The following ARHGAP24 variants were observed in gnomAD, a reference collection of about 807,000 sequenced individuals.
ARHGAP24 encodes rho GTPase-activating protein 24.
ARHGAP24 carries 50 observed loss-of-function variants against 76.4 expected under a neutral mutation model. The observed-to-expected ratio is 0.65, with a 90% CI of 0.52 to 0.83. The LOEUF is 0.83. ARHGAP24 is among the 40% of genes least tolerant of loss of function. The probability of loss-of-function intolerance (pLI) is 0.00; values close to 1 mark genes in which losing one functional copy is unlikely to be tolerated. For missense variants in ARHGAP24, 930 were observed against 914.2 expected, an observed-to-expected ratio of 1.02 and a Z score of -0.22; for synonymous variants, 345 against 323.3, an observed-to-expected ratio of 1.07 and a Z score of -0.72.
chr4:85,556,972 A>T (rs1177394350), intron 1 of ARHGAP24, among the ~76,000 whole-genome samples: 1 of 152,204 alleles, frequency 6.6e-6, no homozygotes, highest in Non-Finnish European at 1.5e-5. Context: ...TGTGGAACAC[A>T]GTCTTGTCCC....
intron 1 of ARHGAP24, among the ~76,000 whole-genome samples, chr4:85,569,400 G>T (rs1190830021): frequency 6.6e-6 from 1 of 152,162 alleles, no homozygotes; most frequent in African/African-American, 2.4e-5. Context: ...AGAAGATTTT[G>T]GGACAGGAAA....
intron 8 of ARHGAP24, chr4:85,990,736 ACCTC>A (rs1740272277): frequency 6.6e-6 from 1 of 151,900 alleles, no homozygotes; most frequent in South Asian, 2.1e-4. Context: ...TAAATAAATT[ACCTC>A]AATCCTTGCC....
At chr4:85,649,028 TG>T (rs1721835849) in intron 2 of ARHGAP24, among the ~76,000 whole-genome samples, 1 of 151,822 alleles carries the variant, frequency 6.6e-6, no homozygotes, top group South Asian at 2.1e-4. Flanking sequence ...TGTGTGTGTG[TG>T]TGTGTGTTTG....
chr4:85,528,384 G>C (rs1017833010), intron 1 of ARHGAP24, among the ~76,000 whole-genome samples: 3 of 152,054 alleles, frequency 2.0e-5, no homozygotes, highest in African/African-American at 7.2e-5. Flanking sequence ...AGGAGCCACT[G>C]GAGTTTTTTA....
chr4:85,892,166 C>A (rs1233025998), intron 3 of ARHGAP24, among the ~76,000 whole-genome samples: 1 of 62,886 alleles, frequency 1.6e-5, no homozygotes, highest in Non-Finnish European at 3.4e-5. Context: ...TTGTAGTATT[C>A]TCTGATGGTA....
intron 8 of ARHGAP24, among the ~76,000 whole-genome samples, chr4:85,985,944 G>T (rs951617505): frequency 6.6e-6 from 1 of 152,136 alleles, no homozygotes; most frequent in South Asian, 2.1e-4. Context: ...GCACCAGTTG[G>T]AAAATGAACC....
intron 2 of ARHGAP24, among the ~76,000 whole-genome samples, chr4:85,664,834 T>C (rs1722547639): frequency 6.6e-6 from 1 of 152,220 alleles, no homozygotes; most frequent in Non-Finnish European, 1.5e-5. Context: ...TGAGTGAGTT[T>C]CTTAATCCTG....
chr4:85,836,664 G>A (rs925728983), intron 3 of ARHGAP24, among the ~76,000 whole-genome samples: 4 of 152,166 alleles, frequency 2.6e-5, no homozygotes, highest in Non-Finnish European at 5.9e-5. Flanking sequence ...TATCTTTCCT[G>A]AGGAACATAA....
intron 3 of ARHGAP24, among the ~76,000 whole-genome samples, chr4:85,724,376 G>A (rs932105894): frequency 2.0e-5 from 3 of 151,906 alleles, no homozygotes; most frequent in Non-Finnish European, 2.9e-5. Flanking sequence ...AAAGCCTCTA[G>A]CAAGCTCTTT....
chr4:85,553,104 G>A (rs1036088093), intron 1 of ARHGAP24, among the ~76,000 whole-genome samples: 18 of 152,078 alleles, frequency 1.2e-4, no homozygotes, highest in Non-Finnish European at 2.1e-4. Context: ...GTTCATAAAG[G>A]CAGTGCATCC....
chr4:85,683,109 T>TGGGGGGGGGG (rs1205882687), intron 2 of ARHGAP24, among the ~76,000 whole-genome samples: 1 of 17,478 alleles, frequency 5.7e-5, no homozygotes, highest in Non-Finnish European at 1.3e-4. Context: ...TCTCAGTGTG[T>TGGGGGGGGGG]GGGGGGGTGG....
chr4:85,869,430 G>A (rs1295379587), intron 3 of ARHGAP24, among the ~76,000 whole-genome samples: 1 of 152,016 alleles, frequency 6.6e-6, no homozygotes, highest in Non-Finnish European at 1.5e-5. Flanking sequence ...AATTAGCTCT[G>A]ACTCTTAGGC....
chr4:85,574,478 A>C (rs1727291894), intron 2 of ARHGAP24, among the ~76,000 whole-genome samples: 1 of 152,208 alleles, frequency 6.6e-6, no homozygotes, highest in Non-Finnish European at 1.5e-5. Flanking sequence ...GGGGAAAGGA[A>C]TTCAGAGCAG....
Position 85,640,673 on chromosome 4 carries a change from A to G in ARHGAP24, c.180+69952A>G, listed in dbSNP as rs73833387. On this transcript the variant is annotated intron_variant, in intron 2 of 9. Coordinates refer to ENST00000395184, the MANE Select transcript of ARHGAP24 (RefSeq NM_001025616.3). Reference sequence around the variant, plus strand: ...GTCAGCCTTTGCCCTCAAAGGATTTATAATCTGGTTGTGACCATATCTTCA... The same window carrying G: ...GTCAGCCTTTGCCCTCAAAGGATTTGTAATCTGGTTGTGACCATATCTTCA... Among the ~76,000 whole-genome samples the G allele has an allele frequency of 2.0e-5, 3 of 152,196 alleles. No homozygotes were observed. The South Asian group carries it at 6.2e-4, about 31-fold the overall frequency.
intron 1 of ARHGAP24, among the ~76,000 whole-genome samples, chr4:85,480,159 C>T (rs1347362681): frequency 3.3e-5 from 5 of 152,188 alleles, no homozygotes; most frequent in African/African-American, 1.2e-4. Context: ...TTTTTAACTA[C>T]TGAGAGTCAA....
At chr4:85,950,531 A>C (rs1255041627) in intron 5 of ARHGAP24, among the ~76,000 whole-genome samples, 1 of 152,084 alleles carries the variant, frequency 6.6e-6, no homozygotes, top group Admixed American at 6.5e-5. Context: ...TAAATATAAA[A>C]GGAAGGAGGT....
At chr4:85,773,844 G>T (rs942041469) in intron 3 of ARHGAP24, among the ~76,000 whole-genome samples, 1 of 152,046 alleles carries the variant, frequency 6.6e-6, no homozygotes, top group African/African-American at 2.4e-5. Flanking sequence ...TCATAACCTA[G>T]CACAAGGCCT....
At position 85,628,595 on chromosome 4, in the gene ARHGAP24, G is replaced by A. The variant is rs559804496; in HGVS notation, c.180+57874G>A. Among the ~76,000 whole-genome samples the A allele has an allele frequency of 3.8e-4, 58 of 152,232 alleles. No individual in the cohort carries two copies. The South Asian group carries it at 0.01, about 27-fold the overall frequency. On this transcript the variant is annotated intron_variant, in intron 2 of 9. Transcript: ENST00000395184. ...TAATCTGCCCATTATTGGTAGTGGG[G>A]TACTGAAATCCTCTATGATTATTGT...
At chr4:85,536,063 C>T (rs1156229605) in intron 1 of ARHGAP24, among the ~76,000 whole-genome samples, 3 of 151,884 alleles carry the variant, frequency 2.0e-5, no homozygotes, top group Admixed American at 2.0e-4. Context: ...AATTTGACAG[C>T]AGTATTTATT....
Sources: gnomAD v4.1 joint callset for allele counts (sites outside exome capture counted in the v4.1 genomes callset) on GRCh38, gnomAD v4.1.1 for gene constraint, MANE v1.5 for transcripts, NCBI Gene and HGNC (gene_info 2026-07-23, HGNC 2026-07-21) for gene names.